The following KIZ variants were observed in gnomAD, a reference collection of about 807,000 sequenced individuals.
The protein encoded by KIZ is centrosomal protein kizuna.
KIZ carries 68 observed loss-of-function variants against 79.6 expected under a neutral mutation model. The observed-to-expected ratio is 0.85, with a 90% CI of 0.70 to 1.05. The LOEUF is 1.05. Among genes scored for constraint, KIZ ranks in the 50% least tolerant of loss-of-function variants. The pLI is 0.00. For missense variants in KIZ, 797 were observed against 800.4 expected, an observed-to-expected ratio of 1.00 and a Z score of 0.05; for synonymous variants, 280 against 281.8, an observed-to-expected ratio of 0.99 and a Z score of 0.06.
At chr20:21,143,059 C>T (rs1490445483) in intron 3 of KIZ, among the ~76,000 whole-genome samples, 1 of 152,034 alleles carries the variant, frequency 6.6e-6, no homozygotes, top group Non-Finnish European at 1.5e-5. Flanking sequence ...ATGAACGTTC[C>T]CCCATATCTT....
chr20:21,136,467 A>G lies in KIZ; in HGVS notation c.230A>G (p.Asn77Ser). Residue 77 changes from asparagine (N) to serine (S), a missense_variant, in exon 3 of 13, where the codon AAC becomes AGC. Transcript: ENST00000619189. ...TCTGAAAAGAAGGCTCATACTCGAA[A>G]CCAAGAATATTTAAAGCGATTTGAG... Reference protein sequence around the residue: ...CESEKKAHTRNQEYLKRFERV... With the variant: ...CESEKKAHTRSQEYLKRFERV... 1 of 1,592,060 alleles carries G rather than the reference A, an allele frequency of 6.3e-7. No individual in the cohort carries two copies. The highest frequency in any genetic ancestry group is 8.6e-7 in the Non-Finnish European group (1 of 1,166,002).
intron 9 of KIZ, among the ~76,000 whole-genome samples, chr20:21,226,648 G>T (rs909871341): frequency 6.6e-6 from 1 of 152,222 alleles, no homozygotes; most frequent in Non-Finnish European, 1.5e-5. Flanking sequence ...GCCTCAGTGA[G>T]TGTCATTCCT....
chr20:21,208,430 G>A lies in KIZ; in HGVS notation c.1446+2846G>A, dbSNP rs917783953. Among the ~76,000 whole-genome samples the A allele has an allele frequency of 1.4e-4, 21 of 152,316 alleles. No homozygotes were observed. The East Asian group carries it at 3.9e-3, about 28-fold the overall frequency. On this transcript the variant is annotated intron_variant, in intron 7 of 12. Coordinates refer to ENST00000619189, the MANE Select transcript of KIZ (RefSeq NM_018474.6). ...CCTTAAAAATGGAAATAGGCTGGACGCGGTGGCTTACGCCTGTAATCCCAG... is the reference window on the plus strand; with the variant it reads ...CCTTAAAAATGGAAATAGGCTGGACACGGTGGCTTACGCCTGTAATCCCAG...
chr20:21,214,891 A>G (rs1167990807), intron 8 of KIZ, among the ~76,000 whole-genome samples, 191 bp downstream of exon 8: 3 of 152,228 alleles, frequency 2.0e-5, no homozygotes, highest in Non-Finnish European at 4.4e-5. Flanking sequence ...GGAATGGGAA[A>G]TCTAACTGTA....
At chr20:21,197,946 A>G (rs2035416854) in intron 6 of KIZ, 2 of 152,218 alleles carry the variant, frequency 1.3e-5, no homozygotes, top group African/African-American at 4.8e-5. Context: ...AGCTATGAAA[A>G]GCAAGTCAGG....
chr20:21,159,087 A>C (rs2122647600), intron 4 of KIZ, among the ~76,000 whole-genome samples: 1 of 151,730 alleles, frequency 6.6e-6, no homozygotes, highest in South Asian at 2.1e-4. Flanking sequence ...GGCTCACTGC[A>C]ACCTCTGCCT....
intron 2 of KIZ, among the ~76,000 whole-genome samples, chr20:21,134,660 GTTTT>G (rs537989513): frequency 2.3e-5 from 3 of 130,504 alleles, no homozygotes; most frequent in Non-Finnish European, 3.3e-5. Context: ...CATCTTTCAG[GTTTT>G]TTTTTTTTTT....
intron 7 of KIZ, among the ~76,000 whole-genome samples, chr20:21,206,642 G>A (rs1345461924): frequency 6.6e-5 from 10 of 152,310 alleles, no homozygotes; most frequent in Admixed American, 1.3e-4. Context: ...TGCAGCATCC[G>A]ATGCCAGGCC....
rs770425247 is a variant in KIZ at position 21,205,531 on chromosome 20, G to T, written c.1393G>T (p.Val465Leu). The change falls in exon 7 of 13, where the codon GTG (valine) becomes TTG (leucine). Residue 465 changes from valine (V) to leucine (L), a missense_variant. Coordinates refer to ENST00000619189, the MANE Select transcript of KIZ (RefSeq NM_018474.6). ...TPDSDVPRAQ[V>L]GQHVATLKEH... ...AGACTCAGACGTACCGAGGGCACAG[G>T]TGGGTCAGCATGTTGCCACCTTGAA... 2 of 1,572,102 alleles carry T rather than the reference G, an allele frequency of 1.3e-6. No individual in the cohort carries two copies. Among genetic ancestry groups the T allele is most frequent in the Non-Finnish European group, 1.7e-6 (2 of 1,151,636 alleles).
chr20:21,216,497 T>C (rs1366859399), intron 9 of KIZ, among the ~76,000 whole-genome samples: 1 of 152,234 alleles, frequency 6.6e-6, no homozygotes, highest in Non-Finnish European at 1.5e-5. Context: ...TGTGATGAAC[T>C]CTGGTTTTGA....
At chr20:21,210,274 C>T (rs1032797503) in intron 7 of KIZ, among the ~76,000 whole-genome samples, 1 of 152,100 alleles carries the variant, frequency 6.6e-6, no homozygotes, top group African/African-American at 2.4e-5. Context: ...CGCCACTGCA[C>T]TCCAGCCTGG....
At chr20:21,155,266 T>G (rs2033320301) in intron 4 of KIZ, among the ~76,000 whole-genome samples, 1 of 152,194 alleles carries the variant, frequency 6.6e-6, no homozygotes, top group Non-Finnish European at 1.5e-5. Flanking sequence ...TGGACACAAT[T>G]TACATGTTCT....
At position 21,219,194 on chromosome 20, in the gene KIZ, A is replaced by ATAGT. The variant is rs540257407; in HGVS notation, c.1678+3547_1678+3548insAGTT. On this transcript the variant is annotated intron_variant, in intron 9 of 12. Transcript: ENST00000619189. ...CTGCCATATACCAGGTAGAATATTT[A>ATAGT]TCGAGCTTAATTATAGAGCGTAGCT... Among the ~76,000 whole-genome samples, 339 of 150,648 alleles carry ATAGT rather than the reference A, an allele frequency of 2.3e-3. 7 individuals are homozygous for ATAGT. In the East Asian group the frequency reaches 0.052, roughly 23 times the overall value.
intron 1 of KIZ, among the ~76,000 whole-genome samples, chr20:21,126,905 C>G (rs992249260): frequency 6.6e-5 from 10 of 152,152 alleles, no homozygotes. Context: ...ATTGCTGGAC[C>G]TCTTATTTAG....
chr20:21,204,041 G>A (rs1238349003), intron 6 of KIZ, among the ~76,000 whole-genome samples: 2 of 146,238 alleles, frequency 1.4e-5, no homozygotes, highest in Non-Finnish European at 3.0e-5. Context: ...GGATCATACA[G>A]TATTTGTCCT....
At chr20:21,219,235 T>C (rs2036420618) in intron 9 of KIZ, among the ~76,000 whole-genome samples, 1 of 150,222 alleles carries the variant, frequency 6.7e-6, no homozygotes, top group African/African-American at 2.5e-5. Flanking sequence ...ACAAAACAAC[T>C]TTCTAGCTCT....
chr20:21,226,619 C>T (rs1356042697), intron 9 of KIZ, among the ~76,000 whole-genome samples: 1 of 152,224 alleles, frequency 6.6e-6, no homozygotes, highest in African/African-American at 2.4e-5. Context: ...TCTCCCGCAA[C>T]TTTGACGTCT....
At chr20:21,145,747 G>C in intron 4 of KIZ, 93 bp downstream of exon 4, 1 of 524,342 alleles carries the variant, frequency 1.9e-6, no homozygotes, top group Non-Finnish European at 3.4e-6. Flanking sequence ...CATCTTATTA[G>C]GAAGATCCCT....
intron 6 of KIZ, chr20:21,195,365 C>T (rs1245611486): frequency 2.0e-5 from 3 of 152,158 alleles, no homozygotes; most frequent in African/African-American, 7.2e-5. Context: ...AAAACAATAA[C>T]GAGACCACTA....
Sources: allele counts gnomAD v4.1 joint callset (sites outside exome capture counted in the v4.1 genomes callset), GRCh38; gene constraint gnomAD v4.1.1; transcripts MANE v1.5; gene names NCBI Gene and HGNC (gene_info 2026-07-23, HGNC 2026-07-21).